Variants in MINK1 observed in about 807,000 individuals in gnomAD.
MINK1 encodes misshapen-like kinase 1.
Under a neutral mutation model 178.4 loss-of-function variants are expected in MINK1, and 46 were observed. The ratio of observed to expected loss-of-function variants is 0.26; its 90% confidence interval spans 0.20 to 0.33. The LOEUF is 0.33. Among genes scored for constraint, MINK1 ranks in the 10% least tolerant of loss-of-function variants. The pLI is 1.00. For missense variants in MINK1, 1,366 were observed against 1,814.9 expected (o/e 0.75, Z 4.49); for synonymous variants, 797 against 709.7 (o/e 1.12, Z -1.96).
In MINK1 at chr17:4,891,616, G is replaced by A. The variant is rs1968825844; in HGVS notation, c.1901G>A (p.Gly634Glu). 6.2e-7 allele frequency: 1 copy of A among 1,602,984 alleles called. No individual in the cohort carries two copies. The highest frequency in any genetic ancestry group is 1.7e-5 in the Admixed American group (1 of 58,224). Residue 634 changes from glycine (G) to glutamate (E), a missense_variant, in exon 16 of 32, where the codon GGA (glycine) becomes GAA (glutamate). Transcript: ENST00000355280. Reference sequence around the variant, plus strand: ...CCCACTGCCACGCCCAGTGCCCGAGGAGCTGTCATCCGCCAGAATTCAGAC... The same window carrying A: ...CCCACTGCCACGCCCAGTGCCCGAGAAGCTGTCATCCGCCAGAATTCAGAC... ...PAPTATPSAR[G>E]AVIRQNSDPT...
intron 1 of MINK1, among the ~76,000 whole-genome samples, chr17:4,842,388 C>T (rs560467062): frequency 2.0e-5 from 3 of 152,196 alleles, no homozygotes; most frequent in East Asian, 1.9e-4. Flanking sequence ...GGGAGAGACC[C>T]GGGGAGGGAC....
chr17:4,859,129 C>G (rs1913694621), intron 1 of MINK1: 1 of 985,250 alleles, frequency 1.0e-6, no homozygotes, highest in Non-Finnish European at 1.2e-6. Context: ...TTGCTGGGCT[C>G]GAAGCACAGG....
rs759816494 is a variant in MINK1 at position 4,897,218 on chromosome 17, A to G, written c.3930A>G (p.Ser1310=). ...CERNDKVFFA[S]VRSGGSSQVY... is the part of the protein sequence containing the mutation. ...GCCCCACCCAGGTGTTTTTTGCCTC[A>G]GTCCGCTCTGGGGGCAGCAGCCAAG... The change falls in exon 32 of 32, where the codon TCA becomes TCG. Residue 1310 remains serine, a synonymous_variant. Coordinates refer to ENST00000355280, the MANE Select transcript of MINK1 (RefSeq NM_153827.5). 1 of 1,613,408 alleles carries G rather than the reference A, an allele frequency of 6.2e-7. No individual in the cohort carries two copies.
chr17:4,890,722 C>T lies in MINK1; in HGVS notation c.1553C>T (p.Ala518Val), dbSNP rs761788535. The change falls in exon 14 of 32, where the codon GCC (alanine) becomes GTC (valine). Residue 518 changes from alanine to valine, a missense_variant. Ala to Val is a moderately conservative substitution (Grantham distance 64). Coordinates refer to ENST00000355280, the MANE Select transcript of MINK1 (RefSeq NM_153827.5). Reference sequence around the variant, plus strand: ...GGCATGAATCCCGCTGACAAACCAGCCTGGGCCCGAGAGGTACTCACTGCC... The same window carrying T: ...GGCATGAATCCCGCTGACAAACCAGTCTGGGCCCGAGAGGTACTCACTGCC... Reference protein sequence around the residue: ...GRGMNPADKPAWAREVEERTR... With the variant: ...GRGMNPADKPVWAREVEERTR... The T allele has an allele frequency of 5.2e-6, 8 of 1,547,544 alleles. No homozygotes were observed. The highest frequency in any genetic ancestry group is 2.4e-5 in the East Asian group (1 of 40,856).
intron 17 of MINK1, 21 bp from the exon 18 acceptor site, chr17:4,892,381 A>G: frequency 1.7e-6 from 2 of 1,209,618 alleles, no homozygotes; most frequent in Non-Finnish European, 1.1e-6. Context: ...CCCCCTCGGC[A>G]CCCCTGTGCT....
intron 1 of MINK1, among the ~76,000 whole-genome samples, chr17:4,847,760 T>G (rs1048113225): frequency 1.3e-5 from 2 of 152,098 alleles, no homozygotes; most frequent in African/African-American, 4.8e-5. Context: ...GCGGGTGGTG[T>G]CTCAGAGCTG....
intron 1 of MINK1, chr17:4,847,081 C>G: frequency 2.2e-6 from 1 of 446,230 alleles, no homozygotes; most frequent in South Asian, 1.6e-5. Flanking sequence ...ATAACCTCCT[C>G]AGGTGGCCCA....
Position 4,890,992 on chromosome 17 carries a change from C to T in MINK1, c.1608C>T (p.Pro536=), listed in dbSNP as rs1252100269. 5 of 1,560,734 alleles carry T rather than the reference C, an allele frequency of 3.2e-6. No homozygotes were observed. The East Asian group carries it at 1.2e-4, about 37-fold the overall frequency. ...RTRMNKQQNS[P]LAKSKPGSTG... ...GGATGAACAAGCAGCAGAACTCTCC[C>T]TTGGCCAAGAGCAAGCCAGGCAGCA... Residue 536 remains proline, a synonymous_variant, in exon 15 of 32, where the codon CCC becomes CCT. Transcript: ENST00000355280.
intron 1 of MINK1, among the ~76,000 whole-genome samples, chr17:4,849,462 T>A (rs982587094): frequency 2.0e-5 from 3 of 152,180 alleles, no homozygotes; most frequent in African/African-American, 7.2e-5. Context: ...GATGCTGGGC[T>A]CCTTACTCTG....
rs146913326 is a variant in MINK1 at position 4,877,612 on chromosome 17, C to T, written c.58-705C>T. Among the ~76,000 whole-genome samples, 19 of 152,122 alleles carry T rather than the reference C, an allele frequency of 1.2e-4. No homozygotes were observed. The East Asian group carries it at 3.3e-3, about 26-fold the overall frequency. ...TGGTCATTAACTTTTATTGGGCACA[C>T]GCTCTGATGCCAGGAACCATCTGAA... On this transcript the variant is annotated intron_variant, in intron 1 of 31. Transcript: ENST00000355280.
At chr17:4,889,999 T>G in intron 13 of MINK1, 1 of 531,000 alleles carries the variant, frequency 1.9e-6, no homozygotes, top group Non-Finnish European at 3.3e-6. Flanking sequence ...CCCGACCCCT[T>G]CCTCATCCCC....
chr17:4,848,834 T>A (rs1253774013), intron 1 of MINK1, among the ~76,000 whole-genome samples: 1 of 152,104 alleles, frequency 6.6e-6, no homozygotes, highest in Non-Finnish European at 1.5e-5. Flanking sequence ...AAAATGAAGG[T>A]AACAAGACTC....
At position 4,896,372 on chromosome 17, in the gene MINK1, G is replaced by A. The variant is rs775856569; in HGVS notation, c.3615+30G>A. ...GCTTGGCGGGGCTGCTGGGGGAGTGGGATGGCCCAGTCTGGGCACCAGACA... is the reference window on the plus strand; with the variant it reads ...GCTTGGCGGGGCTGCTGGGGGAGTGAGATGGCCCAGTCTGGGCACCAGACA... On this transcript the variant is annotated intron_variant, in intron 29 of 31. Transcript: ENST00000355280. This position sits in a 1 kb window ranked among gnomAD's most constrained non-coding sequence, Gnocchi z 4.6. The A allele has an allele frequency of 1.9e-6, 3 of 1,605,004 alleles. No individual in the cohort carries two copies. The highest frequency in any genetic ancestry group is 2.6e-6 in the Non-Finnish European group (3 of 1,174,614).
Position 4,894,072 on chromosome 17 carries a change from C to T in MINK1, c.2649C>T (p.Gly883=), listed in dbSNP as rs529967855. Residue 883 remains glycine, a synonymous_variant, in exon 22 of 32, where the codon GGC becomes GGT. Transcript: ENST00000355280. The surrounding 1 kb of genome is among the most constrained non-coding windows in gnomAD (Gnocchi z 4.1). ...CCGGGACCCAGCCCCCATACGGGGG[C>T]GGCACCATGGTGGTCCAGCGCGTGA... The part of the protein sequence containing the change: ...EITGTQPPYG[G]GTMVVQRTPE... The T allele has an allele frequency of 4.5e-5, 71 of 1,587,414 alleles. No homozygotes were observed. Among genetic ancestry groups the T allele is most frequent in the South Asian group, 2.4e-4 (21 of 88,612 alleles).
Position 4,893,012 on chromosome 17 carries a change from C to T in MINK1, c.2345C>T (p.Ser782Phe). 1 of 1,578,160 alleles carries T rather than the reference C, an allele frequency of 6.3e-7. No homozygotes were observed. The highest frequency in any genetic ancestry group is 8.6e-7 in the Non-Finnish European group (1 of 1,164,264). Residue 782 changes from serine to phenylalanine, a missense_variant, in exon 20 of 32, where the codon TCC becomes TTC. Coordinates refer to ENST00000355280, the MANE Select transcript of MINK1 (RefSeq NM_153827.5). ...AAACCGGACAGCTCCCCTGTGCTCT[C>T]CCCTGGGAATAAAGCCAAGCCCGAC... Reference protein sequence around the residue: ...SSKPDSSPVLSPGNKAKPDDH... With the variant: ...SSKPDSSPVLFPGNKAKPDDH...
intron 1 of MINK1, among the ~76,000 whole-genome samples, chr17:4,835,699 C>G (rs1020830407): frequency 2.6e-5 from 4 of 152,156 alleles, no homozygotes. Flanking sequence ...TTGTGGGACT[C>G]TGCTTGGGTT....
intron 1 of MINK1, among the ~76,000 whole-genome samples, chr17:4,873,622 T>C (rs1446780771): frequency 7.5e-5 from 11 of 146,982 alleles, no homozygotes; most frequent in East Asian, 2.0e-4. Context: ...CTTTTCTTTT[T>C]TTTTTTTTTT....
chr17:4,897,323 C>G lies in MINK1; in HGVS notation c.*36C>G. 3.1e-6 allele frequency: 5 copies of G among 1,593,822 alleles called. No homozygotes were observed. Among genetic ancestry groups the G allele is most frequent in the Non-Finnish European group, 4.3e-6 (5 of 1,163,044 alleles). On this transcript the variant is annotated 3_prime_UTR_variant, in exon 32 of 32. Transcript: ENST00000355280. ...GGCTGGGGCTGTCCCACACTGGACC[C>G]AGCTCTCCCCCTGCAGCCAGGCTTC...
intron 19 of MINK1, 76 bp downstream of exon 19, chr17:4,892,844 G>C: frequency 6.9e-7 from 1 of 1,442,186 alleles, no homozygotes; most frequent in Non-Finnish European, 9.5e-7. Flanking sequence ...TGGTGGCTTT[G>C]GACTGGGGCA....
Sources: gnomAD v4.1 joint callset for allele counts (sites outside exome capture counted in the v4.1 genomes callset) on GRCh38, gnomAD v4.1.1 for gene constraint, Gnocchi (gnomAD v3.1) non-coding constraint, MANE v1.5 for transcripts, NCBI Gene and HGNC (gene_info 2026-07-23, HGNC 2026-07-21) for gene names.